The following KIF20B variants were observed in gnomAD, a reference collection of about 807,000 sequenced individuals.
KIF20B encodes kinesin-like protein KIF20B.
A neutral mutation model predicts 232.5 loss-of-function variants in KIF20B; 188 were observed. The observed-to-expected ratio is 0.81, with a 90% CI of 0.72 to 0.91. The LOEUF is 0.91. Among genes scored for constraint, KIF20B ranks in the 40% least tolerant of loss-of-function variants. The pLI, the probability that KIF20B is intolerant of heterozygous loss-of-function variation, is 0.00. For synonymous variants in KIF20B, 712 were observed against 683.0 expected (o/e 1.04, Z -0.66); for missense variants, 2,154 against 2,055.9 (o/e 1.05, Z -0.92).
At chr10:89,706,717 A>C (rs1842731177) in intron 2 of KIF20B, among the ~76,000 whole-genome samples, 1 of 151,976 alleles carries the variant, frequency 6.6e-6, no homozygotes, top group Non-Finnish European at 1.5e-5. Context: ...GGTGCTTTAC[A>C]AACGGCTGTG....
At chr10:89,713,078 C>A (rs1038391271) in intron 6 of KIF20B, among the ~76,000 whole-genome samples, 5 of 151,996 alleles carry the variant, frequency 3.3e-5, no homozygotes, top group African/African-American at 1.2e-4. Context: ...AAAAATTTTT[C>A]ACTGGGCATG....
At position 89,737,623 on chromosome 10, in the gene KIF20B, A is replaced by G. The variant is rs763729318; in HGVS notation, c.2782A>G (p.Thr928Ala). ...TTCTCTTTCTGAAAAAAAGAATTTA[A>G]CTTTAAGTAAAGAGGTCCAACAAAT... The part of the protein sequence containing the change: ...ELSLSEKKNL[T>A]LSKEVQQIQS... Residue 928 changes from threonine to alanine, a missense_variant, in exon 20 of 33, where the codon ACT becomes GCT. Transcript: ENST00000371728. The G allele has an allele frequency of 3.1e-6, 5 of 1,606,694 alleles. No homozygotes were observed. Among genetic ancestry groups the G allele is most frequent in the Non-Finnish European group, 4.3e-6 (5 of 1,175,996 alleles).
In KIF20B at chr10:89,738,573, A is replaced by C. The variant is rs1461445982; in HGVS notation, c.3732A>C (p.Gln1244His). The C allele has an allele frequency of 6.4e-7, 1 of 1,566,246 alleles. No homozygotes were observed. Among genetic ancestry groups the C allele is most frequent in the Admixed American group, 2.1e-5 (1 of 48,192 alleles). The change falls in exon 20 of 33, where the codon CAA becomes CAC. Residue 1244 changes from glutamine to histidine, a missense_variant. By Grantham distance (24) the Gln-to-His change is conservative (BLOSUM62 0). Transcript: ENST00000371728. ...NNLQDMKHLL[Q>H]LKEEEEETNR... The stretch of plus-strand genomic sequence containing the variant: ...TGCAAGATATGAAACATTTACTTCA[A>C]TTAAAAGAAGAAGAAGAAGAAACCA...
Position 89,726,446 on chromosome 10 carries a change from C to A in KIF20B, c.2155C>A (p.Gln719Lys). The change falls in exon 16 of 33, where the codon CAA becomes AAA. Residue 719 changes from glutamine to lysine, a missense_variant. By Grantham distance (53) the Gln-to-Lys change is moderately conservative (BLOSUM62 1). Transcript: ENST00000371728. The stretch of plus-strand genomic sequence containing the variant: ...TGCTTGTTTAGAACTAAAGTTTAAT[C>A]AAATTAAAGCTGAATTAGCTAAAAC... ...ATACLELKFN[Q>K]IKAELAKTKG... 2.5e-6 allele frequency: 4 copies of A among 1,606,058 alleles called. No individual in the cohort carries two copies. The South Asian group carries it at 4.5e-5, about 18-fold the overall frequency.
chr10:89,742,749 G>C (rs1055971888), intron 21 of KIF20B, among the ~76,000 whole-genome samples: 1 of 148,020 alleles, frequency 6.8e-6, no homozygotes, highest in African/African-American at 2.5e-5. Flanking sequence ...GCCCAGGCTG[G>C]AGTGCAGTGG....
At chr10:89,736,530 T>C (rs1028817) in intron 19 of KIF20B, among the ~76,000 whole-genome samples, 122,114 of 152,114 alleles carry the variant, frequency 0.8, 49,623 homozygotes, top group South Asian at 0.93. Context: ...ACAACATTTA[T>C]GTAGTCATTT....
intron 21 of KIF20B, among the ~76,000 whole-genome samples, chr10:89,742,843 G>A (rs983848634): frequency 1.3e-5 from 2 of 151,836 alleles, no homozygotes; most frequent in African/African-American, 4.8e-5. Flanking sequence ...GGGACTACAG[G>A]CACGTGCCAC....
intron 10 of KIF20B, 40 bp downstream of exon 10, chr10:89,717,535 T>G (rs1341607808): frequency 1.3e-6 from 2 of 1,589,322 alleles, no homozygotes; most frequent in Non-Finnish European, 1.7e-6. Context: ...TTTGTAATTG[T>G]TTTGAAGAAC....
At chr10:89,732,163 G>A (rs201776102) in intron 18 of KIF20B, among the ~76,000 whole-genome samples, 17 of 149,128 alleles carry the variant, frequency 1.1e-4, no homozygotes, top group East Asian at 9.9e-4. Flanking sequence ...TCATCACTCT[G>A]TTGCCCAGGC....
rs755940152 is a variant in KIF20B at position 89,743,906 on chromosome 10, G to A, written c.4014G>A (p.Gln1338=). 3.8e-6 allele frequency: 6 copies of A among 1,586,670 alleles called. No individual in the cohort carries two copies. The Admixed American group carries it at 5.6e-5, about 15-fold the overall frequency. The part of the protein sequence containing the change: ...NQCSQELDMK[Q]RTIQQLKEQL... Reference sequence around the variant, plus strand: ...GTTCTCAGGAATTAGATATGAAACAGCGAACCATTCAGCAACTCAAGGTAA... The same window carrying A: ...GTTCTCAGGAATTAGATATGAAACAACGAACCATTCAGCAACTCAAGGTAA... Residue 1338 remains glutamine (Q), a synonymous_variant, in exon 22 of 33, where the codon CAG becomes CAA. Transcript: ENST00000371728.
chr10:89,735,460 C>T (rs922699792), intron 19 of KIF20B, among the ~76,000 whole-genome samples: 10 of 150,234 alleles, frequency 6.7e-5, no homozygotes, highest in Admixed American at 4.6e-4. Flanking sequence ...GGATAATATT[C>T]GGGACTCATT....
rs151203510 is a variant in KIF20B, at chr10:89,738,515, T to C, written c.3674T>C (p.Leu1225Pro). 3 of 1,603,322 alleles carry C rather than the reference T, an allele frequency of 1.9e-6. No individual in the cohort carries two copies. The highest frequency in any genetic ancestry group is 2.6e-6 in the Non-Finnish European group (3 of 1,175,662). ...TKDLNVKELK[L>P]KEEITQLTNN... Reference sequence around the variant, plus strand: ...GATTTAAATGTAAAGGAACTCAAGCTGAAAGAAGAAATCACACAGTTAACA... The same window carrying C: ...GATTTAAATGTAAAGGAACTCAAGCCGAAAGAAGAAATCACACAGTTAACA... Residue 1225 changes from leucine to proline, a missense_variant, in exon 20 of 33, where the codon CTG becomes CCG. Physicochemically the swap from Leu to Pro is moderately conservative, Grantham distance 98. Coordinates refer to ENST00000371728, the MANE Select transcript of KIF20B (RefSeq NM_001284259.2).
Sources: allele counts gnomAD v4.1 joint callset (sites outside exome capture counted in the v4.1 genomes callset), GRCh38; gene constraint gnomAD v4.1.1; transcripts MANE v1.5; gene names NCBI Gene and HGNC (gene_info 2026-07-23, HGNC 2026-07-21).